Variants in TEKT2 observed in about 807,000 individuals in gnomAD.
TEKT2 encodes the protein tektin 2.
Under a neutral mutation model 49.8 loss-of-function variants are expected in TEKT2, and 45 were observed. The observed-to-expected ratio is 0.90, with a 90% CI of 0.71 to 1.16. The LOEUF (loss-of-function observed/expected upper bound fraction) is 1.16. Ranked by LOEUF, TEKT2 falls within the 50% of genes most tolerant of loss-of-function variation. The pLI, the probability that TEKT2 is intolerant of heterozygous loss-of-function variation, is 0.00. For missense variants in TEKT2, 523 were observed against 551.4 expected, an observed-to-expected ratio of 0.95 and a Z score of 0.52; for synonymous variants, 202 against 224.6, an observed-to-expected ratio of 0.90 and a Z score of 0.90.
In TEKT2 at chr1:36,085,893, A is replaced by G. The variant is rs146498328; in HGVS notation, c.340A>G (p.Ile114Val). Reference sequence around the variant, plus strand: ...CAAGAACCTGCCTCTGGATGTGGCCATTGAGTGCCTGACCCTGCGGGAAAG... The same window carrying G: ...CAAGAACCTGCCTCTGGATGTGGCCGTTGAGTGCCTGACCCTGCGGGAAAG... The part of the protein sequence containing the change: ...QAKNLPLDVA[I>V]ECLTLRESRR... The change falls in exon 4 of 10, where the codon ATT (isoleucine) becomes GTT (valine). Residue 114 changes from isoleucine (I) to valine (V), a missense_variant. Ile to Val is a conservative substitution (Grantham distance 29). Transcript: ENST00000207457. The G allele has an allele frequency of 6.1e-5, 98 of 1,614,030 alleles. No individual in the cohort carries two copies. Among genetic ancestry groups the G allele is most frequent in the Middle Eastern group, 3.3e-4 (2 of 6,062 alleles).
rs890719156 is a variant in TEKT2, at chr1:36,087,922, C to T, written c.1080-51C>T. On this transcript the variant is annotated intron_variant, in intron 9 of 9. Transcript: ENST00000207457. The surrounding 1 kb of genome is among the most constrained non-coding windows in gnomAD (Gnocchi z 4.9). ...CTGACTGAAGGCTATGCACGCAGCC[C>T]AGGCCTCCCAGCCTCATGGGGGCTG... 1.9e-6 allele frequency: 3 copies of T among 1,591,228 alleles called. No individual in the cohort carries two copies. Among genetic ancestry groups the T allele is most frequent in the Non-Finnish European group, 2.6e-6 (3 of 1,168,566 alleles).
intron 3 of TEKT2, 85 bp downstream of exon 3, chr1:36,085,373 G>C (rs1643353386): frequency 6.3e-7 from 1 of 1,599,594 alleles, no homozygotes; most frequent in Non-Finnish European, 8.5e-7. Context: ...CCCTTGATGG[G>C]GGGTCATGAG....
rs755390239 is a variant in TEKT2 at position 36,086,687 on chromosome 1, G to T, written c.489-17G>T. The stretch of plus-strand genomic sequence containing the variant: ...GCCCTTGGGGGATGGTCCTGATGGA[G>T]TCTGCGCTTTCCCCAGCCTCTTGCA... On this transcript the variant is annotated splice_polypyrimidine_tract_variant and intron_variant, in intron 4 of 9. Transcript: ENST00000207457. 4 of 1,613,970 alleles carry T rather than the reference G, an allele frequency of 2.5e-6. No individual in the cohort carries two copies. In the Admixed American group the frequency reaches 6.7e-5, roughly 27 times the overall value.
At position 36,087,026 on chromosome 1, in the gene TEKT2, C is replaced by CTG; in HGVS notation, c.729_730dup (p.Ala244ValfsTer3). 6.2e-7 allele frequency: 1 copy of CTG among 1,614,040 alleles called. No homozygotes were observed. The highest frequency in any genetic ancestry group is 8.5e-7 in the Non-Finnish European group (1 of 1,180,032). On this transcript the variant is annotated frameshift_variant, in exon 6 of 10. Coordinates refer to ENST00000207457, the MANE Select transcript of TEKT2 (RefSeq NM_014466.3). LOFTEE classifies it high-confidence loss of function. This position sits in a 1 kb window ranked among gnomAD's most constrained non-coding sequence, Gnocchi z 4.9. ...GCAGCCACAGAGCTGAGGGAGGCCACTGCTCTAACTATTGCTGAGGTGACA... is the reference window on the plus strand; with the variant it reads ...GCAGCCACAGAGCTGAGGGAGGCCACTGTGCTCTAACTATTGCTGAGGTGACA...
At position 36,087,480 on chromosome 1, in the gene TEKT2, C is replaced by T; in HGVS notation, c.897C>T (p.His299=). The T allele has an allele frequency of 6.2e-7, 1 of 1,613,818 alleles. No individual in the cohort carries two copies. The highest frequency in any genetic ancestry group is 8.5e-7 in the Non-Finnish European group (1 of 1,180,036). Residue 299 remains histidine, a synonymous_variant, in exon 8 of 10, where the codon CAC becomes CAT. Transcript: ENST00000207457. The surrounding 1 kb of genome is among the most constrained non-coding windows in gnomAD (Gnocchi z 4.9). The part of the protein sequence containing the change: ...EIAELQEDIR[H]LEEDLRTKLL... Reference sequence around the variant, plus strand: ...CTGAGCTGCAGGAGGACATCCGGCACCTGGAGGAGGATCTGCGCACAAAGC... The same window carrying T: ...CTGAGCTGCAGGAGGACATCCGGCATCTGGAGGAGGATCTGCGCACAAAGC...
At chr1:36,085,390 G>T in intron 3 of TEKT2, 102 bp downstream of exon 3, 1 of 1,567,496 alleles carries the variant, frequency 6.4e-7, no homozygotes, top group Non-Finnish European at 8.7e-7. Flanking sequence ...TGAGTGGCAT[G>T]TCCATCCGAG....
chr1:36,087,573 C>A lies in TEKT2; in HGVS notation c.990C>A (p.Cys330Ter), dbSNP rs1181575038. The A allele has an allele frequency of 6.2e-7, 1 of 1,613,734 alleles. No individual in the cohort carries two copies. Among genetic ancestry groups the A allele is most frequent in the Admixed American group, 1.7e-5 (1 of 60,006 alleles). The change falls in exon 8 of 10, where the codon TGC becomes TGA. Residue 330 changes from cysteine (C) to a stop codon, truncating the protein, a stop_gained. Coordinates refer to ENST00000207457, the MANE Select transcript of TEKT2 (RefSeq NM_014466.3). LOFTEE classifies it high-confidence loss of function. This position sits in a 1 kb window ranked among gnomAD's most constrained non-coding sequence, Gnocchi z 4.9. ...CCTACCGGCCCAACGTGGAACTCTG[C>A]CGGGACCAGGTGAGAGGGTGTCCCA... ...ARTYRPNVEL[C>*]RDQAQYGLTD...
chr1:36,085,490 T>TTTC (rs1643355345), intron 3 of TEKT2, among the ~76,000 whole-genome samples: 3 of 151,138 alleles, frequency 2.0e-5, no homozygotes, highest in African/African-American at 7.3e-5. Context: ...TTTTCTTTTT[T>TTTC]TTTCTTTCTT....
chr1:36,088,210 G>C lies in TEKT2; in HGVS notation c.*24G>C. ...AGCCTTGGAGGACTGCAGGAGGAGG[G>C]CAGGGTTGGGTGGGCAATGGAAGGA... On this transcript the variant is annotated 3_prime_UTR_variant, in exon 10 of 10. Coordinates refer to ENST00000207457, the MANE Select transcript of TEKT2 (RefSeq NM_014466.3). 6.5e-7 allele frequency: 1 copy of C among 1,536,238 alleles called. No individual in the cohort carries two copies. The highest frequency in any genetic ancestry group is 9.0e-7 in the Non-Finnish European group (1 of 1,112,710).
chr1:36,088,224 G>GCAAT lies in TEKT2; in HGVS notation c.*39_*42dup. 1 of 1,171,710 alleles carries GCAAT rather than the reference G, an allele frequency of 8.5e-7. No homozygotes were observed. The highest frequency in any genetic ancestry group is 1.2e-5 in the South Asian group (1 of 80,682). 72.6% of individuals were successfully genotyped at this position (1,171,710 alleles called of 1,614,324 possible). On this transcript the variant is annotated 3_prime_UTR_variant, in exon 10 of 10. Transcript: ENST00000207457. ...GCAGGAGGAGGGCAGGGTTGGGTGGGCAATGGAAGGAGGGAGGAGAGAAAT... is the reference window on the plus strand; with the variant it reads ...GCAGGAGGAGGGCAGGGTTGGGTGGGCAATCAATGGAAGGAGGGAGGAGAGAAAT...
At position 36,085,582 on chromosome 1, in the gene TEKT2, G is replaced by A. The variant is rs745595166; in HGVS notation, c.283-254G>A. 77 of 509,702 alleles carry A rather than the reference G, an allele frequency of 1.5e-4. 1 individual carries two copies. The highest frequency in any genetic ancestry group is 1.1e-3 in the Middle Eastern group (2 of 1,784). 31.6% of individuals were successfully genotyped at this position (509,702 alleles called of 1,614,324 possible). On this transcript the variant is annotated intron_variant, in intron 3 of 9. Coordinates refer to ENST00000207457, the MANE Select transcript of TEKT2 (RefSeq NM_014466.3). ...CAGGCTGGAGTGCAGTGGTGTGATC[G>A]TGGCTCACTGCAACCTCCGCCTCCT...
intron 3 of TEKT2, 90 bp from the exon 4 acceptor site, chr1:36,085,746 C>G (rs1643361806): frequency 3.0e-6 from 4 of 1,347,394 alleles, no homozygotes; most frequent in African/African-American, 2.9e-5. Flanking sequence ...TCTCGAACTC[C>G]TGACCTCAAG....
rs760897110 is a variant in TEKT2, at chr1:36,087,609, G to T, written c.999+27G>T. ...TGAGAGGGTGTCCCAGTGGCGCACGGGCCCCCTAGCCAAGGTTTTCTCATA... is the reference window on the plus strand; with the variant it reads ...TGAGAGGGTGTCCCAGTGGCGCACGTGCCCCCTAGCCAAGGTTTTCTCATA... On this transcript the variant is annotated intron_variant, in intron 8 of 9. Transcript: ENST00000207457. The surrounding 1 kb of genome is among the most constrained non-coding windows in gnomAD (Gnocchi z 4.9). The T allele has an allele frequency of 1.2e-6, 2 of 1,613,498 alleles. No individual in the cohort carries two copies. The highest frequency in any genetic ancestry group is 4.5e-5 in the East Asian group (2 of 44,880).
In TEKT2 at chr1:36,087,881, C is replaced by T; in HGVS notation, c.1079+74C>T. 1 of 1,595,620 alleles carries T rather than the reference C, an allele frequency of 6.3e-7. No homozygotes were observed. Among genetic ancestry groups the T allele is most frequent in the Non-Finnish European group, 8.5e-7 (1 of 1,170,766 alleles). ...TGGGGCCTCTTGCTGGCTGCTGGCT[C>T]CCTGGGGCTGTCTTCCTGACTGAAG... On this transcript the variant is annotated intron_variant, in intron 9 of 9. Transcript: ENST00000207457. This position sits in a 1 kb window ranked among gnomAD's most constrained non-coding sequence, Gnocchi z 4.9.
rs774699903 is a variant in TEKT2, at chr1:36,087,001, G to C, written c.703G>C (p.Ala235Pro). Residue 235 changes from alanine (A) to proline (P), a missense_variant, in exon 6 of 10, where the codon GCA becomes CCA. Ala to Pro is a conservative substitution (Grantham distance 27). Transcript: ENST00000207457. This position sits in a 1 kb window ranked among gnomAD's most constrained non-coding sequence, Gnocchi z 4.9. ...GGACCGAGCGGAGGCTGAGATGAAGGCAGCCACAGAGCTGAGGGAGGCCAC... is the reference window on the plus strand; with the variant it reads ...GGACCGAGCGGAGGCTGAGATGAAGCCAGCCACAGAGCTGAGGGAGGCCAC... ...NKDRAEAEMK[A>P]ATELREATAL... 5.1e-5 allele frequency: 83 copies of C among 1,613,710 alleles called. No individual in the cohort carries two copies. Among genetic ancestry groups the C allele is most frequent in the Non-Finnish European group, 6.4e-5 (76 of 1,180,024 alleles).
rs560407239 is a variant in TEKT2, at chr1:36,085,395, T to G, written c.282+107T>G. 29 of 1,553,272 alleles carry G rather than the reference T, an allele frequency of 1.9e-5. No homozygotes were observed. In the Admixed American group the frequency reaches 1.9e-4, roughly 10 times the overall value. ...TGGGGGGTCATGAGTGGCATGTCCA[T>G]CCGAGTCACTGGCCCCCTGCTAAAG... On this transcript the variant is annotated intron_variant, in intron 3 of 9. Coordinates refer to ENST00000207457, the MANE Select transcript of TEKT2 (RefSeq NM_014466.3).
At position 36,086,238 on chromosome 1, in the gene TEKT2, C is replaced by T. The variant is rs112822096; in HGVS notation, c.488+197C>T. 8.8e-3 allele frequency among the ~76,000 whole-genome samples: 1,339 copies of T among 152,266 alleles called. 27 individuals carry two copies. The highest frequency in any genetic ancestry group is 0.03 in the African/African-American group (1,236 of 41,536). Reference sequence around the variant, plus strand: ...GGACATGGGCTCAGAATACTTCTCACGACCCTGCCCTGGGCAGCCGGTATC... The same window carrying T: ...GGACATGGGCTCAGAATACTTCTCATGACCCTGCCCTGGGCAGCCGGTATC... On this transcript the variant is annotated intron_variant, in intron 4 of 9. Transcript: ENST00000207457.
Position 36,086,577 on chromosome 1 carries a change from GAA to G in TEKT2, c.489-126_489-125del. Reference sequence around the variant, plus strand: ...TGTGCTGCTCTTGGTCTCAGTGGCTGAAGCTCCATTGTCTTCTGCTGGGAAGG... The same window carrying G: ...TGTGCTGCTCTTGGTCTCAGTGGCTGGCTCCATTGTCTTCTGCTGGGAAGG... On this transcript the variant is annotated intron_variant, in intron 4 of 9. Transcript: ENST00000207457. The G allele has an allele frequency of 2.4e-6, 3 of 1,264,290 alleles. No individual in the cohort carries two copies. In the South Asian group the frequency reaches 3.6e-5, roughly 15 times the overall value. 78.3% of individuals were successfully genotyped at this position (1,264,290 alleles called of 1,614,324 possible).
chr1:36,085,939 T>C lies in TEKT2; in HGVS notation c.386T>C (p.Val129Ala), dbSNP rs1569999904. ...LRESRRDIDV[V>A]KDPVEDELHK... ...GAAAGCCGGCGAGACATTGATGTGG[T>C]GAAGGACCCTGTGGAGGATGAGCTG... The change falls in exon 4 of 10, where the codon GTG (valine) becomes GCG (alanine). Residue 129 changes from valine to alanine, a missense_variant. Coordinates refer to ENST00000207457, the MANE Select transcript of TEKT2 (RefSeq NM_014466.3). 1 of 1,613,590 alleles carries C rather than the reference T, an allele frequency of 6.2e-7. No individual in the cohort carries two copies. The highest frequency in any genetic ancestry group is 1.7e-5 in the Admixed American group (1 of 59,952).
Sources: allele counts gnomAD v4.1 joint callset (sites outside exome capture counted in the v4.1 genomes callset), GRCh38; gene constraint gnomAD v4.1.1; non-coding constraint Gnocchi (gnomAD v3.1); transcripts MANE v1.5; gene names NCBI Gene and HGNC (gene_info 2026-07-23, HGNC 2026-07-21).